The following SDK1 variants were observed in gnomAD, a reference collection of about 807,000 sequenced individuals.
The protein encoded by SDK1 is sidekick cell adhesion molecule 1.
Under a neutral mutation model 245.5 loss-of-function variants are expected in SDK1, and 157 were observed. That is an observed-to-expected ratio of 0.64 (90% CI 0.56 to 0.73). The LOEUF (loss-of-function observed/expected upper bound fraction) is 0.73. SDK1 is among the 30% of genes least tolerant of loss of function. The pLI is 0.00. For missense variants in SDK1, 3,583 were observed against 3,002.3 expected, an observed-to-expected ratio of 1.19 and a Z score of -4.52; for synonymous variants, 1,647 against 1,278.5, an observed-to-expected ratio of 1.29 and a Z score of -6.15.
chr7:4,198,155 C>T (rs540271697), intron 35 of SDK1, among the ~76,000 whole-genome samples: 10 of 152,340 alleles, frequency 6.6e-5, no homozygotes, highest in Admixed American at 4.6e-4. Context: ...CATGTCACGT[C>T]ACCTGCCTCT....
rs1478568042 is a variant in SDK1 at position 4,041,795 on chromosome 7, A to G, written c.2603-7553A>G. ...ATATATATAGTGAAAACAGCATGAAATGTAACTTCAACAGCTGCAATTTTT... is the reference window on the plus strand; with the variant it reads ...ATATATATAGTGAAAACAGCATGAAGTGTAACTTCAACAGCTGCAATTTTT... On this transcript the variant is annotated intron_variant, in intron 17 of 44. Transcript: ENST00000404826. Among the ~76,000 whole-genome samples the G allele has an allele frequency of 2.2e-5, 3 of 136,428 alleles. 1 individual carries two copies. Among genetic ancestry groups the G allele is most frequent in the African/African-American group, 1.0e-4 (3 of 29,736 alleles). 89.5% of individuals were successfully genotyped at this position (136,428 alleles called of 152,430 possible).
rs1165727513 is a variant in SDK1, at chr7:4,026,356, G to A, written c.2602+9004G>A. ...TGGGCCCATGTTTTAGAAGCTCAGC[G>A]TTTGGCATGGGCGAAGATATATTTT... On this transcript the variant is annotated intron_variant, in intron 17 of 44. Transcript: ENST00000404826. The surrounding 1 kb of genome is among the most constrained non-coding windows in gnomAD (Gnocchi z 4.1). Among the ~76,000 whole-genome samples, 2 of 152,244 alleles carry A rather than the reference G, an allele frequency of 1.3e-5. No individual in the cohort carries two copies. The highest frequency in any genetic ancestry group is 2.4e-5 in the African/African-American group (1 of 41,464).
chr7:3,653,189 C>G (rs1034536237), intron 4 of SDK1, among the ~76,000 whole-genome samples: 7 of 152,162 alleles, frequency 4.6e-5, no homozygotes, highest in Non-Finnish European at 7.3e-5. Context: ...TGACGCCACC[C>G]CAGCTGACTG....
chr7:4,126,305 C>A (rs1045634755), intron 25 of SDK1, among the ~76,000 whole-genome samples: 1 of 152,202 alleles, frequency 6.6e-6, no homozygotes, highest in African/African-American at 2.4e-5. Context: ...GAATATAATA[C>A]CCTTGTTTTT....
At chr7:3,864,257 A>G (rs899891626) in intron 5 of SDK1, among the ~76,000 whole-genome samples, 7 of 152,120 alleles carry the variant, frequency 4.6e-5, no homozygotes, top group Non-Finnish European at 1.0e-4. Flanking sequence ...GGCAGGGATC[A>G]AGTTTACTTC....
chr7:3,382,806 C>T (rs1781519712), intron 1 of SDK1, among the ~76,000 whole-genome samples: 1 of 152,114 alleles, frequency 6.6e-6, no homozygotes, highest in Non-Finnish European at 1.5e-5. Flanking sequence ...TTTTTCACAA[C>T]ATCTGATTCA....
At chr7:4,100,681 C>G (rs1056467316) in intron 22 of SDK1, among the ~76,000 whole-genome samples, 1 of 152,120 alleles carries the variant, frequency 6.6e-6, no homozygotes, top group Non-Finnish European at 1.5e-5. Flanking sequence ...CCCTTCAGTC[C>G]CAGCGCTGTG....
At chr7:3,847,053 G>T (rs959043274) in intron 5 of SDK1, among the ~76,000 whole-genome samples, 2 of 151,834 alleles carry the variant, frequency 1.3e-5, no homozygotes, top group South Asian at 4.2e-4. Flanking sequence ...GTGTAATCAC[G>T]CTTCTTTTTT....
chr7:3,611,746 C>T (rs532805480), intron 1 of SDK1, among the ~76,000 whole-genome samples: 1 of 151,938 alleles, frequency 6.6e-6, no homozygotes, highest in Non-Finnish European at 1.5e-5. Context: ...GGCTATTGAT[C>T]AGGAAAATGC....
intron 1 of SDK1, among the ~76,000 whole-genome samples, chr7:3,554,069 A>T: frequency 6.6e-6 from 1 of 152,230 alleles, no homozygotes; most frequent in East Asian, 1.9e-4. Flanking sequence ...GAAATCAGCA[A>T]GGATGTAGAA....
At chr7:3,561,482 T>G (rs1779748844) in intron 1 of SDK1, among the ~76,000 whole-genome samples, 1 of 152,196 alleles carries the variant, frequency 6.6e-6, no homozygotes, top group South Asian at 2.1e-4. Flanking sequence ...TCTGAGAACA[T>G]AAGCTTTCTC....
intron 35 of SDK1, among the ~76,000 whole-genome samples, chr7:4,196,552 A>G (rs554916826): frequency 4.9e-4 from 74 of 151,808 alleles, no homozygotes; most frequent in African/African-American, 1.6e-3. Context: ...CCACGCCGTA[A>G]CTCTCCTCTC....
rs566538462 is a variant in SDK1, at chr7:3,869,589, C to G, written c.847+48006C>G. 2.6e-5 allele frequency among the ~76,000 whole-genome samples: 4 copies of G among 152,328 alleles called. No individual in the cohort carries two copies. In the South Asian group the frequency reaches 8.3e-4, roughly 32 times the overall value. ...CCCCCAGCCCGCTGCGTCCTCTTCC[C>G]AGCAGCTCCTCCCCTCCCTGCTTGC... On this transcript the variant is annotated intron_variant, in intron 5 of 44. Transcript: ENST00000404826.
chr7:4,170,325 T>C (rs1022677706), intron 32 of SDK1, among the ~76,000 whole-genome samples: 1 of 152,124 alleles, frequency 6.6e-6, no homozygotes, highest in Non-Finnish European at 1.5e-5. Flanking sequence ...TGCAGGTCTG[T>C]AGTCCCAGCT....
At chr7:4,124,715 T>A (rs1318998351) in intron 25 of SDK1, among the ~76,000 whole-genome samples, 1 of 152,242 alleles carries the variant, frequency 6.6e-6, no homozygotes, top group African/African-American at 2.4e-5. Context: ...ATAGGTTGCA[T>A]TATTGTGCAA....
intron 1 of SDK1, among the ~76,000 whole-genome samples, chr7:3,402,592 A>G (rs1778919594): frequency 6.6e-6 from 1 of 152,198 alleles, no homozygotes; most frequent in Non-Finnish European, 1.5e-5. Context: ...AAGAATGTGC[A>G]TTGTGAAAGG....
chr7:3,680,567 G>A (rs1006669385), intron 4 of SDK1, among the ~76,000 whole-genome samples: 5 of 152,100 alleles, frequency 3.3e-5, no homozygotes, highest in African/African-American at 1.2e-4. Flanking sequence ...TTTTACTTTG[G>A]GGGAAATTAG....
intron 4 of SDK1, among the ~76,000 whole-genome samples, chr7:3,766,294 G>A (rs577425495): frequency 5.9e-5 from 9 of 152,154 alleles, no homozygotes; most frequent in Non-Finnish European, 1.2e-4. Flanking sequence ...CATGCCTCAA[G>A]AAGTTCTTTT....
At chr7:3,897,213 T>G (rs1309638821) in intron 5 of SDK1, among the ~76,000 whole-genome samples, 1 of 152,150 alleles carries the variant, frequency 6.6e-6, no homozygotes, top group Non-Finnish European at 1.5e-5. Context: ...AACATAAAAT[T>G]TAGCATCTTC....
Sources: gnomAD v4.1 joint callset for allele counts (sites outside exome capture counted in the v4.1 genomes callset) on GRCh38, gnomAD v4.1.1 for gene constraint, Gnocchi (gnomAD v3.1) non-coding constraint, MANE v1.5 for transcripts, NCBI Gene and HGNC (gene_info 2026-07-23, HGNC 2026-07-21) for gene names.